SARNP: variants seen among roughly 807,000 people sequenced by gnomAD.
SARNP encodes the protein SAP domain-containing ribonucleoprotein.
A neutral mutation model predicts 38.1 loss-of-function variants in SARNP; 5 were observed. That is an observed-to-expected ratio of 0.13 (90% CI 0.07 to 0.28). The LOEUF (loss-of-function observed/expected upper bound fraction) is 0.28. Among genes scored for constraint, SARNP ranks in the 10% least tolerant of loss-of-function variants. The probability of loss-of-function intolerance (pLI) is 1.00; values close to 1 mark genes in which losing one functional copy is unlikely to be tolerated. For synonymous variants in SARNP, 84 were observed against 80.6 expected (o/e 1.04, Z -0.23); for missense variants, 180 against 243.9 (o/e 0.74, Z 1.75).
Position 55,757,427 on chromosome 12 carries a change from G to C in SARNP, c.*85C>G. 8.5e-7 allele frequency: 1 copy of C among 1,169,872 alleles called. No individual in the cohort carries two copies. 72.5% of individuals were successfully genotyped at this position (1,169,872 alleles called of 1,614,324 possible). ...ATTGCGAGGCAGGACGTAGGCACAT[G>C]ACTGTGCATTTAGGCATATATGTGA... is the stretch of plus-strand genomic sequence containing the variant. On this transcript the variant is annotated 3_prime_UTR_variant, in exon 11 of 11. Coordinates refer to ENST00000336133, the MANE Select transcript of SARNP (RefSeq NM_033082.4).
chr12:55,807,307 T>C (rs1880177167), intron 1 of SARNP, among the ~76,000 whole-genome samples: 2 of 152,226 alleles, frequency 1.3e-5, no homozygotes, highest in Non-Finnish European at 2.9e-5. Context: ...AGCTAGTTCA[T>C]GGACCAGCAC....
rs530156607 is a variant in SARNP, at chr12:55,779,255, G to T, written c.501+9820C>A. The stretch of plus-strand genomic sequence containing the variant: ...GGGAAAACTGATAACCTAGGATGAA[G>T]GAGGGGGGAAATTCCCCCAAAAGCT... On this transcript the variant is annotated intron_variant, in intron 9 of 10. Transcript: ENST00000336133. Among the ~76,000 whole-genome samples the T allele has an allele frequency of 7.0e-4, 107 of 152,304 alleles. No homozygotes were observed. The Middle Eastern group carries it at 0.02, about 29-fold the overall frequency.
intron 9 of SARNP, among the ~76,000 whole-genome samples, chr12:55,783,621 C>T (rs1444179457): frequency 6.6e-6 from 1 of 152,110 alleles, no homozygotes; most frequent in African/African-American, 2.4e-5. Context: ...GATTTCTTTA[C>T]ATTTCTGTGT....
chr12:55,782,438 A>G (rs1339942698), intron 9 of SARNP, among the ~76,000 whole-genome samples: 1 of 152,222 alleles, frequency 6.6e-6, no homozygotes, highest in Non-Finnish European at 1.5e-5. Flanking sequence ...TTTGAAAAAT[A>G]CCAAACAATC....
At chr12:55,810,397 G>A (rs553138245) in intron 1 of SARNP, among the ~76,000 whole-genome samples, 3 of 151,484 alleles carry the variant, frequency 2.0e-5, no homozygotes, top group African/African-American at 2.4e-5. Context: ...GATTATAGGC[G>A]TGAGCCACTG....
At chr12:55,813,469 T>C (rs937364792) in intron 1 of SARNP, among the ~76,000 whole-genome samples, 24 of 151,540 alleles carry the variant, frequency 1.6e-4, no homozygotes, top group Admixed American at 1.2e-3. Flanking sequence ...GTGAAGGTTC[T>C]AGGTTGAGGT....
At chr12:55,778,579 C>T (rs560901999) in intron 9 of SARNP, among the ~76,000 whole-genome samples, 3 of 152,158 alleles carry the variant, frequency 2.0e-5, no homozygotes, top group African/African-American at 7.2e-5. Context: ...TAGGATTACA[C>T]GTTGTATCTC....
At chr12:55,809,458 C>CA (rs902784627) in intron 1 of SARNP, among the ~76,000 whole-genome samples, 8 of 144,780 alleles carry the variant, frequency 5.5e-5, no homozygotes, top group African/African-American at 7.7e-5. Context: ...AGAAAATAAA[C>CA]AAAAAAAACC....
rs1010464000 is a variant in SARNP at position 55,787,994 on chromosome 12, A to C, written c.501+1081T>G. Among the ~76,000 whole-genome samples, 3 of 150,806 alleles carry C rather than the reference A, an allele frequency of 2.0e-5. No individual in the cohort carries two copies. The South Asian group carries it at 6.3e-4, about 32-fold the overall frequency. On this transcript the variant is annotated intron_variant, in intron 9 of 10. Coordinates refer to ENST00000336133, the MANE Select transcript of SARNP (RefSeq NM_033082.4). ...TCAATCTCCTGACCTCGTGATCCGC[A>C]CATCTCCGCCTCCCAAAGTGCTGGG...
downstream of SARNP, chr12:55,756,221 G>C (rs1878501643): frequency 6.6e-6 from 1 of 152,204 alleles, no homozygotes; most frequent in Non-Finnish European, 1.5e-5. Context: ...TTTGGTTGAA[G>C]AGGTGTCAAA....
chr12:55,803,120 T>C (rs1045522939), intron 2 of SARNP, among the ~76,000 whole-genome samples: 3 of 151,226 alleles, frequency 2.0e-5, no homozygotes, highest in Non-Finnish European at 4.4e-5. Flanking sequence ...GAAAGTGAAA[T>C]GAGGAATAGA....
At chr12:55,784,324 C>T (rs1158812214) in intron 9 of SARNP, among the ~76,000 whole-genome samples, 1 of 152,132 alleles carries the variant, frequency 6.6e-6, no homozygotes, top group Non-Finnish European at 1.5e-5. Context: ...GTTCCGTAAA[C>T]ACAAACTTAA....
chr12:55,774,575 C>CAAAAAAAAAAAAAAAAAAAAAAA (rs1187594580), intron 9 of SARNP, among the ~76,000 whole-genome samples: 1 of 41,216 alleles, frequency 2.4e-5, no homozygotes, highest in African/African-American at 1.3e-4. Flanking sequence ...AAAAAAAAAA[C>CAAAAAAAAAAAAAAAAAAAAAAA]AAACAAAAAA....
intron 10 of SARNP, 131 bp from the exon 11 acceptor site, chr12:55,757,684 T>G (rs1487794418): frequency 1.6e-6 from 1 of 612,610 alleles, no homozygotes; most frequent in African/African-American, 1.9e-5. Flanking sequence ...GACTTGAGCT[T>G]GGTAGCTAGA....
intron 1 of SARNP, among the ~76,000 whole-genome samples, 162 bp from the exon 2 acceptor site, chr12:55,803,890 T>C (rs1880058535): frequency 6.6e-6 from 1 of 152,202 alleles, no homozygotes; most frequent in African/African-American, 2.4e-5. Context: ...TGATCCATTT[T>C]CCTCTAACGA....
chr12:55,783,281 G>A (rs1005989468), intron 9 of SARNP, among the ~76,000 whole-genome samples: 2 of 108,972 alleles, frequency 1.8e-5, no homozygotes, highest in Admixed American at 1.2e-4. Flanking sequence ...CCAGGTAGAT[G>A]TTATTTATCT....
chr12:55,766,494 CCTGT>C (rs1878832331), intron 9 of SARNP, among the ~76,000 whole-genome samples: 1 of 151,698 alleles, frequency 6.6e-6, no homozygotes, highest in African/African-American at 2.4e-5. Context: ...GTACCTAATA[CCTGT>C]CTTGTTCGCT....
chr12:55,767,569 C>T (rs1377577734), intron 9 of SARNP, among the ~76,000 whole-genome samples: 2 of 151,488 alleles, frequency 1.3e-5, no homozygotes, highest in African/African-American at 4.9e-5. Context: ...AAATACAAGC[C>T]GGGCACAGTG....
intron 4 of SARNP, among the ~76,000 whole-genome samples, chr12:55,798,267 C>A (rs191698905): frequency 6.6e-6 from 1 of 152,224 alleles, no homozygotes; most frequent in African/African-American, 2.4e-5. Context: ...GAGGCCAAGG[C>A]AGGTGGATCG....
Sources: allele counts gnomAD v4.1 joint callset (sites outside exome capture counted in the v4.1 genomes callset), GRCh38; gene constraint gnomAD v4.1.1; transcripts MANE v1.5; gene names NCBI Gene and HGNC (gene_info 2026-07-23, HGNC 2026-07-21).